Variants in ATRNL1 observed in about 807,000 individuals in gnomAD.
ATRNL1 encodes the protein attractin like 1, also known as attractin-like protein 1.
ATRNL1 carries 95 observed loss-of-function variants against 182.7 expected under a neutral mutation model. That is an observed-to-expected ratio of 0.52 (90% confidence interval 0.44 to 0.62). ATRNL1 has a LOEUF of 0.62. ATRNL1 is among the 20% of genes least tolerant of loss of function. ATRNL1 has a pLI of 0.00. For synonymous variants in ATRNL1, 576 were observed against 568.3 expected (o/e 1.01, Z -0.19); for missense variants, 1,471 against 1,679.5 (o/e 0.88, Z 2.17).
intron 24 of ATRNL1, among the ~76,000 whole-genome samples, chr10:115,492,902 C>T (rs1212854523): frequency 6.6e-6 from 1 of 151,934 alleles, no homozygotes; most frequent in Admixed American, 6.6e-5. Context: ...CTCAGCCTCC[C>T]AAAGTACAGG....
At chr10:115,873,655 T>C (rs1555106597) in intron 28 of ATRNL1, among the ~76,000 whole-genome samples, 1 of 152,160 alleles carries the variant, frequency 6.6e-6, no homozygotes, top group African/African-American at 2.4e-5. Context: ...ACACCTCGTT[T>C]CTCCAAAGCT....
chr10:115,937,109 C>A (rs1953583317), intron 28 of ATRNL1, among the ~76,000 whole-genome samples: 1 of 152,188 alleles, frequency 6.6e-6, no homozygotes, highest in African/African-American at 2.4e-5. Context: ...CACATTCTAC[C>A]CAATGAGAGA....
Position 115,266,986 on chromosome 10 carries a change from A to C in ATRNL1, c.1962A>C (p.Ala654=), listed in dbSNP as rs1363905252. ...ESGNTNNILR[A]KCPPKTAASD... ...GGAATACTAATAATATTCTTAGAGC[A>C]AAGTGCCCTCCTAAAACAGGTAAAT... Residue 654 remains alanine, a synonymous_variant, in exon 12 of 29, where the codon GCA becomes GCC. Transcript: ENST00000355044. The C allele has an allele frequency of 6.2e-7, 1 of 1,609,182 alleles. No homozygotes were observed. The highest frequency in any genetic ancestry group is 1.1e-5 in the South Asian group (1 of 90,758).
chr10:115,120,292 T>A, intron 2 of ATRNL1, 24 bp downstream of exon 2: 3 of 1,176,748 alleles, frequency 2.5e-6, no homozygotes, highest in Non-Finnish European at 3.7e-6. Context: ...CTGAGTCAAA[T>A]TAATGTATTT....
At chr10:115,741,248 C>T (rs1281169268) in intron 27 of ATRNL1, among the ~76,000 whole-genome samples, 2 of 152,080 alleles carry the variant, frequency 1.3e-5, no homozygotes, top group Non-Finnish European at 2.9e-5. Context: ...GAATACAATA[C>T]TCAATGTATT....
chr10:115,144,914 T>TAA (rs5788095), intron 5 of ATRNL1, among the ~76,000 whole-genome samples: 2 of 151,816 alleles, frequency 1.3e-5, no homozygotes, highest in Admixed American at 6.6e-5. Context: ...ATTTTATTAA[T>TAA]AAAAAATTGA....
At chr10:115,695,470 G>A (rs1163443215) in intron 26 of ATRNL1, among the ~76,000 whole-genome samples, 2 of 152,024 alleles carry the variant, frequency 1.3e-5, no homozygotes, top group African/African-American at 4.8e-5. Flanking sequence ...GAATCTCCTA[G>A]CATTCAGTCC....
chr10:115,338,004 T>C (rs1855572262), intron 19 of ATRNL1, among the ~76,000 whole-genome samples: 1 of 151,746 alleles, frequency 6.6e-6, no homozygotes. Flanking sequence ...GAGAATCTGA[T>C]GCCACCACAG....
chr10:115,804,718 A>T (rs558387191), intron 27 of ATRNL1, among the ~76,000 whole-genome samples: 1 of 152,188 alleles, frequency 6.6e-6, no homozygotes, highest in African/African-American at 2.4e-5. Flanking sequence ...AAAAACCAAG[A>T]CTTTCAGTGG....
At chr10:115,197,635 T>A (rs1328332118) in intron 8 of ATRNL1, among the ~76,000 whole-genome samples, 3 of 144,802 alleles carry the variant, frequency 2.1e-5, no homozygotes, top group African/African-American at 7.3e-5. Context: ...TCAGTATATA[T>A]GGGGGATTGA....
chr10:115,104,351 T>C (rs1451726204), intron 1 of ATRNL1, among the ~76,000 whole-genome samples: 2 of 152,222 alleles, frequency 1.3e-5, no homozygotes, highest in Admixed American at 6.5e-5. Context: ...TTTTGAGAAA[T>C]GTCTATTCAG....
intron 24 of ATRNL1, 134 bp from the exon 25 acceptor site, chr10:115,519,129 A>G: frequency 2.8e-6 from 2 of 725,912 alleles, no homozygotes; most frequent in Non-Finnish European, 4.6e-6. Context: ...TCATTCCATC[A>G]CATATTTGAT....
intron 26 of ATRNL1, among the ~76,000 whole-genome samples, chr10:115,695,144 A>T (rs1002782325): frequency 6.6e-6 from 1 of 152,160 alleles, no homozygotes; most frequent in Admixed American, 6.6e-5. Flanking sequence ...AAAGAAAAAA[A>T]AGAAAAATTC....
intron 25 of ATRNL1, among the ~76,000 whole-genome samples, chr10:115,529,008 C>T (rs36107376): frequency 0.18 from 27,221 of 151,926 alleles, 3,063 homozygotes; most frequent in Non-Finnish European, 0.26. Flanking sequence ...TAAAATCTAC[C>T]GAGATATAAT....
At chr10:115,386,134 T>C (rs1554952569) in intron 19 of ATRNL1, among the ~76,000 whole-genome samples, 1 of 152,188 alleles carries the variant, frequency 6.6e-6, no homozygotes, top group Non-Finnish European at 1.5e-5. Flanking sequence ...ATTTGTTGTA[T>C]AAATTTTGGG....
chr10:115,301,638 A>G (rs546918418), intron 16 of ATRNL1, among the ~76,000 whole-genome samples: 7 of 152,336 alleles, frequency 4.6e-5, no homozygotes, highest in Non-Finnish European at 1.0e-4. Context: ...TACTTTGTAA[A>G]GAATTACAAA....
intron 28 of ATRNL1, among the ~76,000 whole-genome samples, chr10:115,941,753 A>T (rs1953736523): frequency 6.6e-6 from 1 of 152,240 alleles, no homozygotes; most frequent in African/African-American, 2.4e-5. Flanking sequence ...ACTTACAGTC[A>T]GCTTGAACTT....
chr10:115,418,190 C>T (rs1444925132), intron 20 of ATRNL1, among the ~76,000 whole-genome samples: 3 of 151,868 alleles, frequency 2.0e-5, no homozygotes, highest in East Asian at 1.9e-4. Context: ...CAGTAAAATT[C>T]AGAGAAGCAA....
At chr10:115,589,993 A>G (rs1035489567) in intron 26 of ATRNL1, among the ~76,000 whole-genome samples, 1 of 152,202 alleles carries the variant, frequency 6.6e-6, no homozygotes, top group East Asian at 1.9e-4. Flanking sequence ...TAGCTTTAAT[A>G]TAGCAGTTTG....
Sources: allele counts gnomAD v4.1 joint callset (sites outside exome capture counted in the v4.1 genomes callset), GRCh38; gene constraint gnomAD v4.1.1; transcripts MANE v1.5; gene names NCBI Gene and HGNC (gene_info 2026-07-23, HGNC 2026-07-21).